Variants in GUCY2F observed in about 807,000 individuals in gnomAD.
GUCY2F encodes the protein retinal guanylyl cyclase 2.
GUCY2F carries 61 observed loss-of-function variants against 73.1 expected under a neutral mutation model. The ratio of observed to expected loss-of-function variants is 0.83; its 90% CI spans 0.68 to 1.03. GUCY2F has a LOEUF of 1.03. Ranked by LOEUF, GUCY2F falls within the 50% of genes least tolerant of loss-of-function variation. GUCY2F has a pLI of 0.00. For synonymous variants in GUCY2F, 331 were observed against 307.8 expected, an observed-to-expected ratio of 1.08 and a Z score of -0.79; for missense variants, 912 against 854.3, an observed-to-expected ratio of 1.07 and a Z score of -0.84.
Position 109,409,112 on chromosome X carries a change from C to G in GUCY2F, c.1848G>C (p.Ser616=), listed in dbSNP as rs150533634. ...ATTCTGTCACAATGGCAAACATCCC[C>G]GAATCATAGAAGAAACCCAATAAAG... ...INPLLGFFYD[S]GMFAIVTEFC... is the part of the protein sequence containing the mutation. Residue 616 remains serine (S), a synonymous_variant, in exon 9 of 20, where the codon TCG becomes TCC. Transcript: ENST00000218006. 6.9e-5 allele frequency: 77 copies of G among 1,110,485 alleles called. 1 individual carries two copies. In the South Asian group the frequency reaches 9.4e-4, roughly 14 times the overall value. The allele number at this position is 1,110,485 out of a possible 1,213,427, so 91.5% of individuals were successfully genotyped here.
intron 9 of GUCY2F, 124 bp from the exon 10 acceptor site, chrX:109,404,608 T>C (rs1240250631): frequency 8.3e-6 from 4 of 483,624 alleles, no homozygotes; most frequent in African/African-American, 2.4e-5. Context: ...TTTTCTCTTC[T>C]ATGCAGGCAA....
chrX:109,388,633 C>A lies in GUCY2F; in HGVS notation c.2812G>T (p.Ala938Ser), dbSNP rs765920850. 15 of 1,197,426 alleles carry A rather than the reference C, an allele frequency of 1.3e-5. No individual in the cohort carries two copies. Among genetic ancestry groups the A allele is most frequent in the Non-Finnish European group, 4.5e-6 (4 of 884,234 alleles). The change falls in exon 15 of 20, where the codon GCT becomes TCT. Residue 938 changes from alanine to serine, a missense_variant. Physicochemically the swap from Ala to Ser is moderately conservative, Grantham distance 99. Transcript: ENST00000218006. Reference protein sequence around the residue: ...VETIGDAYMVASGLPKRNGSR... With the variant: ...VETIGDAYMVSSGLPKRNGSR... ...CCATTCCTCTTTGGGAGGCCTGAAG[C>A]CACCATGTAGGCATCTCCAATGGTC...
At chrX:109,472,681 C>T (rs1403382225) in intron 2 of GUCY2F, among the ~76,000 whole-genome samples, 1 of 112,137 alleles carries the variant, frequency 8.9e-6, no homozygotes, top group East Asian at 2.8e-4. Context: ...TGGCTTCTGG[C>T]TTGGTTTCTC....
chrX:109,382,081 C>T (rs1167604016), intron 17 of GUCY2F, 37 bp downstream of exon 17: 2 of 769,960 alleles, frequency 2.6e-6, no homozygotes, highest in East Asian at 3.2e-5. Flanking sequence ...CAGGTGTATC[C>T]AAGTAGTCTG....
At chrX:109,452,766 T>C (rs1358862429) in intron 4 of GUCY2F, among the ~76,000 whole-genome samples, 1 of 111,824 alleles carries the variant, frequency 8.9e-6, no homozygotes, top group Non-Finnish European at 1.9e-5. Flanking sequence ...TAAAAGTGTA[T>C]GGTATACAGT....
In GUCY2F at chrX:109,441,377, C is replaced by T; in HGVS notation, c.1675G>A (p.Glu559Lys). 1 of 1,156,696 alleles carries T rather than the reference C, an allele frequency of 8.6e-7. No homozygotes were observed. Residue 559 changes from glutamate (E) to lysine (K), a missense_variant, in exon 7 of 20, where the codon GAA becomes AAA. Glu to Lys is a moderately conservative substitution (Grantham distance 56). Coordinates refer to ENST00000218006, the MANE Select transcript of GUCY2F (RefSeq NM_001522.3). ...TCATAAATCGCTATGTTGGAGTTTT[C>T]ATAGGTAGCTGGAGTTAGACTCCCT... ...SSGSLTPATY[E>K]NSNIAIYEGD...
At chrX:109,383,329 AAC>A (rs769771672) in intron 16 of GUCY2F, 90 of 427,933 alleles carry the variant, frequency 2.1e-4, no homozygotes, top group Admixed American at 9.1e-5. Context: ...GATGGTAGGG[AAC>A]ACACAGCTTA....
intron 14 of GUCY2F, among the ~76,000 whole-genome samples, chrX:109,391,631 A>G (rs1207139090): frequency 9.0e-6 from 1 of 111,632 alleles, no homozygotes; most frequent in Non-Finnish European, 1.9e-5. Flanking sequence ...TCTTGGTCCC[A>G]ACATCTTCTT....
At chrX:109,440,665 CT>C (rs1165435455) in intron 7 of GUCY2F, among the ~76,000 whole-genome samples, 1 of 111,723 alleles carries the variant, frequency 9.0e-6, no homozygotes, top group African/African-American at 3.3e-5. Flanking sequence ...TCTAGTTTCC[CT>C]TTTACCCCCT....
At position 109,409,138 on chromosome X, in the gene GUCY2F, G is replaced by C; in HGVS notation, c.1822C>G (p.Pro608Ala). ...MKDLRHENIN[P>A]LLGFFYDSGM... ...GAATCATAGAAGAAACCCAATAAAG[G>C]GTTAATATTCTCATGACGCAAGTCC... The change falls in exon 9 of 20, where the codon CCT becomes GCT. Residue 608 changes from proline (P) to alanine (A), a missense_variant. Coordinates refer to ENST00000218006, the MANE Select transcript of GUCY2F (RefSeq NM_001522.3). 8.9e-7 allele frequency: 1 copy of C among 1,128,839 alleles called. No homozygotes were observed. The highest frequency in any genetic ancestry group is 1.8e-5 in the South Asian group (1 of 54,696). The allele number at this position is 1,128,839 out of a possible 1,213,427, so 93.0% of individuals were successfully genotyped here. A position where few individuals can be genotyped will look rare whatever the true frequency, so the allele number is the denominator to read the frequency against.
intron 14 of GUCY2F, among the ~76,000 whole-genome samples, chrX:109,391,232 C>A (rs1303929550): frequency 9.0e-6 from 1 of 111,661 alleles, no homozygotes; most frequent in African/African-American, 3.3e-5. Flanking sequence ...TCAATGCAGT[C>A]ATTTTGCAAA....
chrX:109,394,432 G>A (rs1241534659), intron 12 of GUCY2F, among the ~76,000 whole-genome samples: 1 of 112,082 alleles, frequency 8.9e-6, no homozygotes, highest in Non-Finnish European at 1.9e-5. Flanking sequence ...ATTGTTAGCT[G>A]GGGACACGGA....
chrX:109,438,829 T>A (rs1220031007), intron 7 of GUCY2F, among the ~76,000 whole-genome samples: 1 of 112,525 alleles, frequency 8.9e-6, no homozygotes, highest in Non-Finnish European at 1.9e-5. Context: ...TAGTGGAGGA[T>A]CTTTGTGGTG....
intron 3 of GUCY2F, among the ~76,000 whole-genome samples, chrX:109,462,715 GCA>G (rs747974345): frequency 4.6e-5 from 5 of 109,844 alleles, no homozygotes; most frequent in African/African-American, 6.6e-5. Flanking sequence ...ACATACATGT[GCA>G]CACACACACA....
rs774522243 is a variant in GUCY2F at position 109,382,135 on chromosome X, C to T, written c.3133G>A (p.Gly1045Arg). 2 of 1,170,070 alleles carry T rather than the reference C, an allele frequency of 1.7e-6. No individual in the cohort carries two copies. The highest frequency in any genetic ancestry group is 3.0e-5 in the East Asian group (1 of 33,596). Residue 1045 changes from glycine to arginine, a missense_variant, in exon 17 of 20, where the codon GGA becomes AGA. Transcript: ENST00000218006. ...CATTATACCTTGAGCTCTGTTCTTC[C>T]TCGAAGCTCCACTTCATAGCCCTCA... ...LSEGYEVELRGRTELKGKGTE... is the reference protein window; with the variant it reads ...LSEGYEVELRRRTELKGKGTE...
At chrX:109,411,533 T>A (rs1224575762) in intron 8 of GUCY2F, among the ~76,000 whole-genome samples, 27 of 111,868 alleles carry the variant, frequency 2.4e-4, no homozygotes, top group African/African-American at 8.8e-4. Flanking sequence ...CCTGAAAGCA[T>A]TTTCTCCATA....
At chrX:109,430,910 G>A (rs1455935816) in intron 7 of GUCY2F, among the ~76,000 whole-genome samples, 4 of 111,160 alleles carry the variant, frequency 3.6e-5, no homozygotes, top group African/African-American at 6.6e-5. Context: ...TGGAGGGGGG[G>A]CTGTCTTATG....
chrX:109,395,468 T>C lies in GUCY2F; in HGVS notation c.2297A>G (p.Lys766Arg). Residue 766 changes from lysine to arginine, a missense_variant, in exon 12 of 20, where the codon AAG (lysine) becomes AGG (arginine). Transcript: ENST00000218006. ...PAQEIINRLK[K>R]PPPVYRPVVP... is the part of the protein sequence containing the mutation. ...TACTGGTCTGTACACAGGAGGAGGC[T>C]TCTTAAGTCTGTTTATGATTTCTGT... 5 of 1,200,927 alleles carry C rather than the reference T, an allele frequency of 4.2e-6. No individual in the cohort carries two copies. Among genetic ancestry groups the C allele is most frequent in the Non-Finnish European group, 4.5e-6 (4 of 886,941 alleles).
At chrX:109,388,352 C>T in intron 15 of GUCY2F, 137 bp downstream of exon 15, 1 of 507,573 alleles carries the variant, frequency 2.0e-6, no homozygotes, top group Non-Finnish European at 3.4e-6. Context: ...TTTGGGTAGG[C>T]ATAAAGGAAT....
Sources: allele counts gnomAD v4.1 joint callset (sites outside exome capture counted in the v4.1 genomes callset), GRCh38; gene constraint gnomAD v4.1.1; transcripts MANE v1.5; gene names NCBI Gene and HGNC (gene_info 2026-07-23, HGNC 2026-07-21).